Variants in FGFR1OP2 observed in about 807,000 individuals in gnomAD.
The protein encoded by FGFR1OP2 is fibroblast growth factor receptor 1 oncogene partner 2.
In FGFR1OP2, 17 loss-of-function variants were observed where a neutral mutation model predicts 35.2. That is an observed-to-expected ratio of 0.48 (90% CI 0.33 to 0.73). The LOEUF (loss-of-function observed/expected upper bound fraction) is 0.73. Ranked by LOEUF, FGFR1OP2 falls within the 30% of genes least tolerant of loss-of-function variation. The probability of loss-of-function intolerance (pLI) is 0.02; values close to 1 mark genes in which losing one functional copy is unlikely to be tolerated. For missense variants in FGFR1OP2, 251 were observed against 307.3 expected, an observed-to-expected ratio of 0.82 and a Z score of 1.37; for synonymous variants, 105 against 104.6, an observed-to-expected ratio of 1.00 and a Z score of -0.03.
intron 4 of FGFR1OP2, 110 bp from the exon 5 acceptor site, chr12:26,960,404 TA>T: frequency 1.5e-6 from 1 of 652,790 alleles, no homozygotes; most frequent in Non-Finnish European, 2.3e-6. Flanking sequence ...TTGGAAATCT[TA>T]AAAAAGCAAA....
At chr12:26,949,944 G>A (rs1477136787) in intron 1 of FGFR1OP2, among the ~76,000 whole-genome samples, 1 of 151,926 alleles carries the variant, frequency 6.6e-6, no homozygotes, top group Non-Finnish European at 1.5e-5. Context: ...TTATCTTCAT[G>A]GATCTTACAA....
At chr12:26,956,314 G>T (rs1281132090) in intron 2 of FGFR1OP2, among the ~76,000 whole-genome samples, 1 of 151,870 alleles carries the variant, frequency 6.6e-6, no homozygotes, top group Non-Finnish European at 1.5e-5. Flanking sequence ...TTGGCCATTT[G>T]TATATCTTCT....
intron 2 of FGFR1OP2, among the ~76,000 whole-genome samples, chr12:26,955,876 AT>A (rs1565850248): frequency 6.6e-6 from 1 of 152,200 alleles, no homozygotes. Flanking sequence ...CTCTGTTAAA[AT>A]TTTTTGAGGA....
intron 1 of FGFR1OP2, among the ~76,000 whole-genome samples, chr12:26,947,132 C>A (rs1457847200): frequency 6.6e-6 from 1 of 152,006 alleles, no homozygotes; most frequent in Non-Finnish European, 1.5e-5. Context: ...GACATACTTT[C>A]ATTTTCCTGG....
At chr12:26,964,528 CAT>C (rs1939146250) in intron 6 of FGFR1OP2, 66 bp from the exon 7 acceptor site, 17 of 1,542,086 alleles carry the variant, frequency 1.1e-5, no homozygotes, top group African/African-American at 6.8e-5. Flanking sequence ...TTTTTCCTAA[CAT>C]ATGTTTGTGA....
At position 26,938,470 on chromosome 12, in the gene FGFR1OP2, A is replaced by G. The variant is rs1389800670; in HGVS notation, c.-255A>G. ...GAGGAAAGAAATCTCGCGAGGCTGGAGTTCTCCGGGAGCGCCGGTCGGAGG... is the reference window on the plus strand; with the variant it reads ...GAGGAAAGAAATCTCGCGAGGCTGGGGTTCTCCGGGAGCGCCGGTCGGAGG... On this transcript the variant is annotated 5_prime_UTR_variant, in exon 1 of 7. Transcript: ENST00000229395. 2 of 152,298 alleles carry G rather than the reference A, an allele frequency of 1.3e-5. No individual in the cohort carries two copies. The highest frequency in any genetic ancestry group is 4.8e-5 in the African/African-American group (2 of 41,470). The allele number at this position is 152,298 out of a possible 1,614,324, so 9.4% of individuals were successfully genotyped here. A position where few individuals can be genotyped will look rare whatever the true frequency, so the allele number is the denominator to read the frequency against.
In FGFR1OP2 at chr12:26,956,636, A is replaced by G; in HGVS notation, c.229A>G (p.Arg77Gly). The G allele has an allele frequency of 6.3e-7, 1 of 1,592,730 alleles. No individual in the cohort carries two copies. Among genetic ancestry groups the G allele is most frequent in the Non-Finnish European group, 8.6e-7 (1 of 1,169,018 alleles). The change falls in exon 3 of 7, where the codon AGA becomes GGA. Residue 77 changes from arginine to glycine, a missense_variant. By Grantham distance (125) the Arg-to-Gly change is moderately radical. Transcript: ENST00000229395. ...AATCCAGCAAGAAAACAGACAAATC[A>G]GAGAGTTGCAACAAGAAAACAAAGG... ...MGIQQENRQIRELQQENKELR... is the reference protein window; with the variant it reads ...MGIQQENRQIGELQQENKELR...
At position 26,963,461 on chromosome 12, in the gene FGFR1OP2, T is replaced by A; in HGVS notation, c.624+6T>A. 1 of 1,571,560 alleles carries A rather than the reference T, an allele frequency of 6.4e-7. No individual in the cohort carries two copies. Among genetic ancestry groups the A allele is most frequent in the Non-Finnish European group, 8.7e-7 (1 of 1,148,598 alleles). ...AACGAATATTTCAACTTGAAGTAAG[T>A]TTTACATTGCAAATGTAGATGAAAA... On this transcript the variant is annotated splice_donor_region_variant and intron_variant, in intron 6 of 6. Coordinates refer to ENST00000229395, the MANE Select transcript of FGFR1OP2 (RefSeq NM_015633.3).
In FGFR1OP2 at chr12:26,956,572, A is replaced by T; in HGVS notation, c.165A>T (p.Glu55Asp). ...AGGAAGAAATTCAAGAACTTAATGA[A>T]GTCGCGAGACATCGGCCACGGTCCA... ...QYQEEIQELN[E>D]VARHRPRSTL... Residue 55 changes from glutamate (E) to aspartate (D), a missense_variant, in exon 3 of 7, where the codon GAA (glutamate) becomes GAT (aspartate). Glu to Asp is a conservative substitution (Grantham distance 45). Coordinates refer to ENST00000229395, the MANE Select transcript of FGFR1OP2 (RefSeq NM_015633.3). 1 of 1,590,122 alleles carries T rather than the reference A, an allele frequency of 6.3e-7. No homozygotes were observed. The highest frequency in any genetic ancestry group is 8.6e-7 in the Non-Finnish European group (1 of 1,168,080).
intron 4 of FGFR1OP2, 121 bp downstream of exon 4, chr12:26,957,864 A>G (rs1409311548): frequency 2.8e-6 from 2 of 718,384 alleles, no homozygotes; most frequent in African/African-American, 1.9e-5. Context: ...ATGATGTTGA[A>G]TGTTTCATCT....
intron 1 of FGFR1OP2, among the ~76,000 whole-genome samples, chr12:26,946,383 TC>T (rs1938822198): frequency 6.6e-6 from 1 of 152,204 alleles, no homozygotes; most frequent in Admixed American, 6.5e-5. Context: ...TGATTGTGGC[TC>T]ACTGCAGCCT....
At chr12:26,949,772 T>G (rs1272088672) in intron 1 of FGFR1OP2, among the ~76,000 whole-genome samples, 1 of 151,578 alleles carries the variant, frequency 6.6e-6, no homozygotes, top group Non-Finnish European at 1.5e-5. Flanking sequence ...AGAGATGAGG[T>G]TTCATCATTA....
At chr12:26,950,253 G>A (rs1187016249) in intron 1 of FGFR1OP2, among the ~76,000 whole-genome samples, 7 of 84,276 alleles carry the variant, frequency 8.3e-5, no homozygotes, top group African/African-American at 3.3e-4. Context: ...ACAGAGTCCC[G>A]TTCTGTCACC....
intron 6 of FGFR1OP2, among the ~76,000 whole-genome samples, 192 bp from the exon 7 acceptor site, chr12:26,964,404 C>T (rs149317970): frequency 2.0e-4 from 30 of 152,218 alleles, no homozygotes; most frequent in African/African-American, 7.0e-4. Context: ...ATGTTGAACA[C>T]GATTCCTAGC....
chr12:26,940,196 G>A (rs770439993), intron 1 of FGFR1OP2, among the ~76,000 whole-genome samples: 2 of 152,182 alleles, frequency 1.3e-5, no homozygotes, highest in Non-Finnish European at 2.9e-5. Flanking sequence ...AACTGGTTTA[G>A]ATTAGGTTAG....
intron 4 of FGFR1OP2, among the ~76,000 whole-genome samples, chr12:26,958,677 C>T (rs1939059887): frequency 6.6e-6 from 1 of 152,102 alleles, no homozygotes; most frequent in Non-Finnish European, 1.5e-5. Context: ...AGTGTTTTAC[C>T]TGCTGTTCAT....
chr12:26,963,516 T>TA, intron 6 of FGFR1OP2, 61 bp downstream of exon 6: 2 of 1,062,504 alleles, frequency 1.9e-6, no homozygotes, highest in Non-Finnish European at 2.8e-6. Context: ...TGCCAGAAAA[T>TA]ATATCCCATT....
chr12:26,944,055 G>A (rs1938781901), intron 1 of FGFR1OP2, among the ~76,000 whole-genome samples: 1 of 151,408 alleles, frequency 6.6e-6, no homozygotes, highest in Admixed American at 6.6e-5. Flanking sequence ...GTAAATGTGT[G>A]TTTTAAAAAA....
chr12:26,954,783 A>G (rs117398317), intron 2 of FGFR1OP2, among the ~76,000 whole-genome samples: 326 of 152,314 alleles, frequency 2.1e-3, no homozygotes, highest in African/African-American at 7.2e-3. Flanking sequence ...AGTGCTACCA[A>G]TTAAAGAATA....
Sources: gnomAD v4.1 joint callset for allele counts (sites outside exome capture counted in the v4.1 genomes callset) on GRCh38, gnomAD v4.1.1 for gene constraint, MANE v1.5 for transcripts, NCBI Gene and HGNC (gene_info 2026-07-23, HGNC 2026-07-21) for gene names.